ZFPM2: variants seen among roughly 807,000 people sequenced by gnomAD.
ZFPM2 encodes zinc finger protein ZFPM2.
Under a neutral mutation model 98.6 loss-of-function variants are expected in ZFPM2, and 20 were observed. The observed-to-expected ratio is 0.20, with a 90% CI of 0.14 to 0.29. The LOEUF is 0.29. ZFPM2 is among the 10% of genes least tolerant of loss of function. ZFPM2 has a pLI of 1.00. For missense variants in ZFPM2, 1,310 were observed against 1,388.6 expected (o/e 0.94, Z 0.90); for synonymous variants, 518 against 502.7 (o/e 1.03, Z -0.41).
chr8:105,555,519 A>G (rs969132243), intron 3 of ZFPM2, among the ~76,000 whole-genome samples: 61 of 152,138 alleles, frequency 4.0e-4, no homozygotes, highest in African/African-American at 1.4e-3. Context: ...CAAGATTTTC[A>G]TCCCATCAAT....
intron 4 of ZFPM2, among the ~76,000 whole-genome samples, chr8:105,576,617 C>T (rs1327294135): frequency 2.6e-5 from 4 of 152,138 alleles, no homozygotes; most frequent in Non-Finnish European, 4.4e-5. Context: ...TATTGGAAGA[C>T]AACTTTTTGT....
chr8:105,632,217 T>A (rs536950132), intron 4 of ZFPM2, among the ~76,000 whole-genome samples: 4 of 152,280 alleles, frequency 2.6e-5, no homozygotes, highest in African/African-American at 9.6e-5. Flanking sequence ...TCACCCTGGC[T>A]GGGGTACAGT....
At position 105,803,772 on chromosome 8, in the gene ZFPM2, GTTAT is replaced by G; in HGVS notation, c.*237_*240del. 2.5e-6 allele frequency: 1 copy of G among 406,750 alleles called. No homozygotes were observed. Among genetic ancestry groups the G allele is most frequent in the Non-Finnish European group, 4.2e-6 (1 of 236,630 alleles). The allele number at this position is 406,750 out of a possible 1,614,324, so 25.2% of individuals were successfully genotyped here. ...CAGCAGTATTCATAGCTGTGGTTAT[GTTAT>G]TTTTTATTTAAAAACTTTATATTAA... On this transcript the variant is annotated 3_prime_UTR_variant, in exon 8 of 8. Transcript: ENST00000407775.
chr8:105,502,145 G>GA (rs1813608861), intron 3 of ZFPM2, among the ~76,000 whole-genome samples: 1 of 152,086 alleles, frequency 6.6e-6, no homozygotes, highest in Admixed American at 6.5e-5. Flanking sequence ...CCTCAAAAGA[G>GA]AAAGAGCAAG....
intron 4 of ZFPM2, among the ~76,000 whole-genome samples, chr8:105,576,206 A>G (rs990972050): frequency 2.0e-5 from 3 of 152,232 alleles, no homozygotes; most frequent in Admixed American, 2.0e-4. Flanking sequence ...AACATGGTCA[A>G]GAAAAGTGGG....
chr8:105,330,553 C>CATATATATATACAT (rs1563606520), intron 1 of ZFPM2, among the ~76,000 whole-genome samples: 8 of 92,440 alleles, frequency 8.7e-5, no homozygotes, highest in Admixed American at 2.6e-4. Flanking sequence ...TATATATATA[C>CATATATATATACAT]ATATATATAT....
At chr8:105,408,759 T>C (rs1811518078) in intron 1 of ZFPM2, among the ~76,000 whole-genome samples, 1 of 151,982 alleles carries the variant, frequency 6.6e-6, no homozygotes, top group East Asian at 1.9e-4. Context: ...CATTATTTAC[T>C]GTGTCAAACC....
chr8:105,639,917 C>T (rs1340935861), intron 5 of ZFPM2, among the ~76,000 whole-genome samples: 5 of 151,672 alleles, frequency 3.3e-5, no homozygotes, highest in Non-Finnish European at 7.4e-5. Context: ...TTCTTGGGCA[C>T]GTGATACTTT....
chr8:105,524,609 A>G (rs1814133397), intron 3 of ZFPM2, among the ~76,000 whole-genome samples: 1 of 152,168 alleles, frequency 6.6e-6, no homozygotes, highest in Non-Finnish European at 1.5e-5. Context: ...AGTCAGAAAA[A>G]GAGTCTGTAA....
At chr8:105,462,856 A>C (rs958376096) in intron 3 of ZFPM2, among the ~76,000 whole-genome samples, 1 of 152,142 alleles carries the variant, frequency 6.6e-6, no homozygotes, top group Non-Finnish European at 1.5e-5. Context: ...GTTGTTCAAA[A>C]AATAAAAGTC....
At chr8:105,475,628 CA>C (rs879367743) in intron 3 of ZFPM2, among the ~76,000 whole-genome samples, 9 of 152,170 alleles carry the variant, frequency 5.9e-5, no homozygotes, top group Non-Finnish European at 1.0e-4. Flanking sequence ...TGCATGGTTA[CA>C]AATTTCAATG....
At chr8:105,701,239 T>C (rs1181569095) in intron 5 of ZFPM2, among the ~76,000 whole-genome samples, 2 of 152,234 alleles carry the variant, frequency 1.3e-5, no homozygotes, top group African/African-American at 2.4e-5. Flanking sequence ...TAGGATTTTC[T>C]ACTTGGAAAA....
intron 3 of ZFPM2, among the ~76,000 whole-genome samples, chr8:105,481,214 G>A (rs183568606): frequency 1.3e-5 from 2 of 152,182 alleles, no homozygotes; most frequent in Admixed American, 6.5e-5. Flanking sequence ...GGGCTATATT[G>A]CTTCCCTTAA....
intron 2 of ZFPM2, among the ~76,000 whole-genome samples, chr8:105,428,953 G>A (rs1406427296): frequency 1.3e-5 from 2 of 152,120 alleles, no homozygotes; most frequent in Non-Finnish European, 2.9e-5. Context: ...ACCTGACAGT[G>A]GCTGTATCTT....
At chr8:105,652,247 T>C (rs1817194673) in intron 5 of ZFPM2, among the ~76,000 whole-genome samples, 1 of 92,160 alleles carries the variant, frequency 1.1e-5, no homozygotes, top group Non-Finnish European at 2.3e-5. Flanking sequence ...ATACCTGAAA[T>C]TGGAGGCTTT....
chr8:105,675,691 A>G (rs1810431820), intron 5 of ZFPM2, among the ~76,000 whole-genome samples: 1 of 152,182 alleles, frequency 6.6e-6, no homozygotes, highest in Non-Finnish European at 1.5e-5. Context: ...GCCCAATTTC[A>G]GAGGCGGAGA....
chr8:105,788,672 A>G (rs1209534609), intron 5 of ZFPM2, 46 bp from the exon 6 acceptor site: 1 of 1,581,096 alleles, frequency 6.3e-7, no homozygotes, highest in East Asian at 2.2e-5. Flanking sequence ...CAACAGACTC[A>G]AGCATCCTAT....
chr8:105,471,001 A>G (rs1812892489), intron 3 of ZFPM2, among the ~76,000 whole-genome samples: 1 of 152,176 alleles, frequency 6.6e-6, no homozygotes, highest in African/African-American at 2.4e-5. Flanking sequence ...TCCATGAGGT[A>G]TGGCTCTTGT....
chr8:105,627,551 A>G (rs1218455943), intron 4 of ZFPM2, among the ~76,000 whole-genome samples: 2 of 152,216 alleles, frequency 1.3e-5, no homozygotes, highest in Non-Finnish European at 2.9e-5. Flanking sequence ...TAAAAATTCA[A>G]TATTTCAAAA....
Sources: gnomAD v4.1 joint callset for allele counts (sites outside exome capture counted in the v4.1 genomes callset) on GRCh38, gnomAD v4.1.1 for gene constraint, MANE v1.5 for transcripts, NCBI Gene and HGNC (gene_info 2026-07-23, HGNC 2026-07-21) for gene names.